Variants in TAF4 observed in about 807,000 individuals in gnomAD.
The protein encoded by TAF4 is transcription initiation factor TFIID subunit 4.
TAF4 carries 9 observed loss-of-function variants against 90.3 expected under a neutral mutation model. The observed-to-expected ratio is 0.10, with a 90% CI of 0.06 to 0.17. TAF4 has a LOEUF of 0.17. TAF4 is among the 10% of genes least tolerant of loss of function. The pLI, the probability that TAF4 is intolerant of heterozygous loss-of-function variation, is 1.00. For synonymous variants in TAF4, 818 were observed against 638.9 expected (o/e 1.28, Z -4.23); for missense variants, 1,351 against 1,370.7 (o/e 0.99, Z 0.23).
At chr20:62,007,483 G>A in intron 6 of TAF4, 64 bp downstream of exon 6, 1 of 1,500,132 alleles carries the variant, frequency 6.7e-7, no homozygotes, top group Non-Finnish European at 9.3e-7. Flanking sequence ...TGCACACTTG[G>A]TGCATCTGCG....
At chr20:62,012,997 C>A in intron 2 of TAF4, 63 bp from the exon 3 acceptor site, 1 of 1,592,694 alleles carries the variant, frequency 6.3e-7, no homozygotes, top group South Asian at 1.1e-5. Context: ...CCCCCAGGTA[C>A]ACAGAAATTA....
chr20:62,048,696 A>ACCT (rs1317455029), intron 1 of TAF4, among the ~76,000 whole-genome samples: 1 of 142,408 alleles, frequency 7.0e-6, no homozygotes, highest in African/African-American at 2.7e-5. Flanking sequence ...TGGCGTGCCC[A>ACCT]CCTCGGTCCC....
chr20:62,028,598 A>G (rs2055886879), intron 1 of TAF4, among the ~76,000 whole-genome samples: 2 of 152,158 alleles, frequency 1.3e-5, no homozygotes, highest in African/African-American at 4.8e-5. Context: ...TTCTTAGCAC[A>G]TGGACACACC....
intron 5 of TAF4, 84 bp downstream of exon 5, chr20:62,008,968 C>T (rs989141710): frequency 7.3e-6 from 11 of 1,516,614 alleles, no homozygotes; most frequent in Admixed American, 2.1e-5. Context: ...ACAGGCCTCC[C>T]GGGCACAGGT....
intron 4 of TAF4, 100 bp from the exon 5 acceptor site, chr20:62,009,274 T>C (rs940375040): frequency 1.7e-6 from 2 of 1,184,812 alleles, no homozygotes; most frequent in Non-Finnish European, 2.3e-6. Context: ...AAGATACATA[T>C]ATTTCTTCTC....
chr20:61,988,908 C>G (rs1023042060), intron 14 of TAF4, among the ~76,000 whole-genome samples: 2 of 152,170 alleles, frequency 1.3e-5, no homozygotes, highest in African/African-American at 4.8e-5. Context: ...CACGTTAACA[C>G]TCACATCCAA....
chr20:61,977,024 C>A (rs1390862681), intron 14 of TAF4, among the ~76,000 whole-genome samples: 1 of 152,226 alleles, frequency 6.6e-6, no homozygotes, highest in Non-Finnish European at 1.5e-5. Context: ...CTGCATGACA[C>A]CGCCCAGCAG....
chr20:61,994,022 A>AT (rs1262627515), intron 14 of TAF4, among the ~76,000 whole-genome samples: 5 of 152,024 alleles, frequency 3.3e-5, no homozygotes, highest in Admixed American at 2.6e-4. Flanking sequence ...AAGTGCTGGG[A>AT]TTACAACGTT....
At chr20:62,011,633 T>A (rs1424511266) in intron 3 of TAF4, among the ~76,000 whole-genome samples, 2 of 152,166 alleles carry the variant, frequency 1.3e-5, no homozygotes, top group African/African-American at 4.8e-5. Flanking sequence ...AGCCAGGACA[T>A]GACCCAGTGA....
At chr20:62,056,843 G>C (rs1217493281) in intron 1 of TAF4, among the ~76,000 whole-genome samples, 2 of 151,888 alleles carry the variant, frequency 1.3e-5, no homozygotes, top group African/African-American at 2.4e-5. Context: ...TCATGTTGAA[G>C]TAACTAATAA....
chr20:61,983,492 T>C (rs1475473305), intron 14 of TAF4, among the ~76,000 whole-genome samples: 2 of 151,972 alleles, frequency 1.3e-5, no homozygotes, highest in Non-Finnish European at 2.9e-5. Context: ...GAGACCCCAT[T>C]CCTACAAAAT....
chr20:62,021,374 G>A (rs966418812), intron 1 of TAF4, among the ~76,000 whole-genome samples: 1 of 152,250 alleles, frequency 6.6e-6, no homozygotes, highest in Admixed American at 6.5e-5. Flanking sequence ...CCAGGCACAG[G>A]GTCCGGAGGG....
chr20:62,031,868 TG>T, intron 1 of TAF4, among the ~76,000 whole-genome samples: 1 of 151,472 alleles, frequency 6.6e-6, no homozygotes, highest in South Asian at 2.1e-4. Context: ...GAAGGCCCCG[TG>T]GAACAGCCCG....
chr20:62,029,855 G>C (rs1044847509), intron 1 of TAF4, among the ~76,000 whole-genome samples: 1 of 152,032 alleles, frequency 6.6e-6, no homozygotes, highest in Non-Finnish European at 1.5e-5. Flanking sequence ...GCGGTGAGCC[G>C]AGATCGCGCC....
chr20:62,063,153 C>G (rs1645994387), intron 1 of TAF4, among the ~76,000 whole-genome samples: 2 of 152,178 alleles, frequency 1.3e-5, no homozygotes, highest in Admixed American at 1.3e-4. Context: ...TCTCTTCCTC[C>G]CTGGAGCACT....
chr20:62,044,358 G>A (rs184054712), intron 1 of TAF4, among the ~76,000 whole-genome samples: 4 of 152,292 alleles, frequency 2.6e-5, no homozygotes, highest in Admixed American at 1.3e-4. Context: ...ATATATGTGT[G>A]TATGCATGCG....
intron 1 of TAF4, among the ~76,000 whole-genome samples, chr20:62,056,926 T>C (rs948272778): frequency 2.6e-5 from 4 of 152,244 alleles, no homozygotes; most frequent in African/African-American, 7.2e-5. Context: ...CCTGTCATGA[T>C]GCTTCTGACA....
intron 9 of TAF4, 104 bp downstream of exon 9, chr20:62,003,056 G>C: frequency 1.1e-6 from 1 of 911,890 alleles, no homozygotes; most frequent in Non-Finnish European, 1.7e-6. Flanking sequence ...CCGGCCGCCA[G>C]GGCCACGTGG....
chr20:62,007,355 G>T (rs973693791), intron 6 of TAF4, among the ~76,000 whole-genome samples, 192 bp downstream of exon 6: 15 of 152,162 alleles, frequency 9.9e-5, no homozygotes, highest in Admixed American at 7.9e-4. Flanking sequence ...CGTGTCAGGG[G>T]AGCTCCTGCT....
Sources: allele counts gnomAD v4.1 joint callset (sites outside exome capture counted in the v4.1 genomes callset), GRCh38; gene constraint gnomAD v4.1.1; transcripts MANE v1.5; gene names NCBI Gene and HGNC (gene_info 2026-07-23, HGNC 2026-07-21).